The following PTCD2 variants were observed in gnomAD, a reference collection of about 807,000 sequenced individuals.
PTCD2 encodes the protein pentatricopeptide repeat-containing protein 2, mitochondrial.
Under a neutral mutation model 42.6 loss-of-function variants are expected in PTCD2, and 31 were observed. The observed-to-expected ratio is 0.73, with a 90% CI of 0.55 to 0.98. The LOEUF is 0.98. PTCD2 is among the 50% of genes least tolerant of loss of function. The probability of loss-of-function intolerance (pLI) is 0.00; values close to 1 mark genes in which losing one functional copy is unlikely to be tolerated. For synonymous variants in PTCD2, 183 were observed against 170.9 expected (o/e 1.07, Z -0.55); for missense variants, 476 against 454.8 (o/e 1.05, Z -0.42).
Position 72,320,522 on chromosome 5 carries a change from T to G in PTCD2, c.127+13T>G. On this transcript the variant is annotated intron_variant, in intron 1 of 9. Coordinates refer to ENST00000380639, the MANE Select transcript of PTCD2 (RefSeq NM_024754.5). ...TGCCCTCTCGGAGGTATCCGCGGCTTTAGCCTAGGGAAGGAGGGGAGGGAT... is the reference window on the plus strand; with the variant it reads ...TGCCCTCTCGGAGGTATCCGCGGCTGTAGCCTAGGGAAGGAGGGGAGGGAT... The G allele has an allele frequency of 1.9e-6, 3 of 1,613,450 alleles. No homozygotes were observed. Among genetic ancestry groups the G allele is most frequent in the African/African-American group, 1.3e-5 (1 of 75,046 alleles).
At chr5:72,327,102 C>A (rs1751183391) in intron 3 of PTCD2, among the ~76,000 whole-genome samples, 1 of 152,182 alleles carries the variant, frequency 6.6e-6, no homozygotes. Context: ...TATTTTGGAG[C>A]CTCTTTACTC....
At chr5:72,326,462 T>C (rs1751142481) in intron 2 of PTCD2, 150 bp from the exon 3 acceptor site, 1 of 740,016 alleles carries the variant, frequency 1.4e-6, no homozygotes, top group Non-Finnish European at 2.2e-6. Context: ...CTAGAGGAGA[T>C]TGGCCAGTGA....
chr5:72,327,546 T>C (rs948927083), intron 3 of PTCD2, among the ~76,000 whole-genome samples: 3 of 150,654 alleles, frequency 2.0e-5, no homozygotes, highest in Admixed American at 2.0e-4. Context: ...ATCTTTCAGC[T>C]CAATGCAACC....
intron 4 of PTCD2, among the ~76,000 whole-genome samples, chr5:72,334,451 C>T (rs1238556839): frequency 2.0e-5 from 3 of 152,180 alleles, no homozygotes; most frequent in Non-Finnish European, 4.4e-5. Context: ...AATGACGGTT[C>T]CTTAAAGACG....
At chr5:72,334,405 G>T (rs1049663680) in intron 4 of PTCD2, among the ~76,000 whole-genome samples, 1 of 152,154 alleles carries the variant, frequency 6.6e-6, no homozygotes, top group African/African-American at 2.4e-5. Flanking sequence ...CTCTGCCAGG[G>T]TTAACTGGCT....
intron 4 of PTCD2, among the ~76,000 whole-genome samples, chr5:72,334,516 C>T (rs914724473): frequency 2.0e-5 from 3 of 152,026 alleles, no homozygotes; most frequent in African/African-American, 7.3e-5. Context: ...CTCAGCATGA[C>T]AGCCAAGAGA....
At position 72,320,515 on chromosome 5, in the gene PTCD2, C is replaced by G; in HGVS notation, c.127+6C>G. 6.2e-7 allele frequency: 1 copy of G among 1,613,634 alleles called. No homozygotes were observed. The highest frequency in any genetic ancestry group is 8.5e-7 in the Non-Finnish European group (1 of 1,180,020). On this transcript the variant is annotated splice_donor_region_variant and intron_variant, in intron 1 of 9. Coordinates refer to ENST00000380639, the MANE Select transcript of PTCD2 (RefSeq NM_024754.5). Reference sequence around the variant, plus strand: ...CTGCCGCTGCCCTCTCGGAGGTATCCGCGGCTTTAGCCTAGGGAAGGAGGG... The same window carrying G: ...CTGCCGCTGCCCTCTCGGAGGTATCGGCGGCTTTAGCCTAGGGAAGGAGGG...
Position 72,326,729 on chromosome 5 carries a change from A to G in PTCD2, c.338A>G (p.Asn113Ser). 1.9e-6 allele frequency: 3 copies of G among 1,614,026 alleles called. No individual in the cohort carries two copies. Among genetic ancestry groups the G allele is most frequent in the Non-Finnish European group, 2.5e-6 (3 of 1,179,924 alleles). ...ESRDHVELAK[N>S]VIYRYHAENK... ...CGGGACCATGTGGAACTGGCTAAAA[A>G]TGTCATTTACAGGTGAGGCATTTCC... The change falls in exon 3 of 10, where the codon AAT becomes AGT. Residue 113 changes from asparagine (N) to serine (S), a missense_variant. By Grantham distance (46) the Asn-to-Ser change is conservative. Coordinates refer to ENST00000380639, the MANE Select transcript of PTCD2 (RefSeq NM_024754.5).
chr5:72,337,153 A>C (rs1030820274), intron 6 of PTCD2, among the ~76,000 whole-genome samples: 1 of 152,270 alleles, frequency 6.6e-6, no homozygotes, highest in Admixed American at 6.5e-5. Flanking sequence ...GGGAGTCAGC[A>C]AACTTTTTTT....
At chr5:72,343,114 A>T in intron 8 of PTCD2, 78 bp downstream of exon 8, 1 of 677,942 alleles carries the variant, frequency 1.5e-6, no homozygotes, top group Non-Finnish European at 2.2e-6. Context: ...TTATACCTAA[A>T]TTTTTTAGCT....
At chr5:72,343,342 G>A (rs1752172625) in intron 8 of PTCD2, among the ~76,000 whole-genome samples, 1 of 152,304 alleles carries the variant, frequency 6.6e-6, no homozygotes, top group Middle Eastern at 3.4e-3. Context: ...TGTAGATGTA[G>A]GGAGGAGGAG....
chr5:72,361,926 C>A lies in PTCD2; in HGVS notation c.*3499C>A, dbSNP rs1238907582. 2 of 152,274 alleles carry A rather than the reference C, an allele frequency of 1.3e-5. No homozygotes were observed. The highest frequency in any genetic ancestry group is 4.8e-5 in the African/African-American group (2 of 41,456). 9.4% of individuals were successfully genotyped at this position (152,274 alleles called of 1,614,324 possible). On this transcript the variant is annotated 3_prime_UTR_variant, in exon 10 of 10. Coordinates refer to ENST00000380639, the MANE Select transcript of PTCD2 (RefSeq NM_024754.5). ...AACTCCCCATGTGCCCCATGTACCT[C>A]ATTTATCAAAGTGCTTATCATATGC...
chr5:72,337,380 G>A (rs1221094817), intron 6 of PTCD2, among the ~76,000 whole-genome samples: 1 of 151,414 alleles, frequency 6.6e-6, no homozygotes, highest in African/African-American at 2.4e-5. Flanking sequence ...GATTCTAGGA[G>A]GCCAAAAAAA....
chr5:72,347,072 A>G (rs1222153866), intron 8 of PTCD2, among the ~76,000 whole-genome samples: 1 of 152,204 alleles, frequency 6.6e-6, no homozygotes, highest in Admixed American at 6.5e-5. Flanking sequence ...TTTTCTCCAC[A>G]TTATAGATGT....
intron 3 of PTCD2, 37 bp downstream of exon 3, chr5:72,326,778 C>CT (rs1284380543): frequency 7.5e-6 from 12 of 1,601,604 alleles, no homozygotes; most frequent in Non-Finnish European, 1.0e-5. Context: ...ACCCTTATCC[C>CT]TTCTTACTCT....
intron 6 of PTCD2, among the ~76,000 whole-genome samples, chr5:72,337,974 A>G (rs1751845619): frequency 6.6e-6 from 1 of 152,098 alleles, no homozygotes; most frequent in Non-Finnish European, 1.5e-5. Context: ...TTTGAACTCT[A>G]TTTTGACAGG....
chr5:72,333,121 C>CA (rs1233008731), intron 4 of PTCD2, among the ~76,000 whole-genome samples: 1 of 152,134 alleles, frequency 6.6e-6, no homozygotes, highest in Non-Finnish European at 1.5e-5. Flanking sequence ...TAGAAGAAAA[C>CA]CCAGACCCTT....
intron 4 of PTCD2, among the ~76,000 whole-genome samples, chr5:72,334,122 T>A (rs2112157393): frequency 6.6e-6 from 1 of 152,240 alleles, no homozygotes; most frequent in South Asian, 2.1e-4. Context: ...CGCCTCTCCC[T>A]CCCAAAGTAC....
At chr5:72,343,267 A>G (rs1752168191) in intron 8 of PTCD2, among the ~76,000 whole-genome samples, 1 of 152,150 alleles carries the variant, frequency 6.6e-6, no homozygotes, top group Admixed American at 6.5e-5. Context: ...GGTTGGAGAG[A>G]GGTAGATATG....
Sources: allele counts gnomAD v4.1 joint callset (sites outside exome capture counted in the v4.1 genomes callset), GRCh38; gene constraint gnomAD v4.1.1; transcripts MANE v1.5; gene names NCBI Gene and HGNC (gene_info 2026-07-23, HGNC 2026-07-21).